MEAK7: variants seen among roughly 807,000 people sequenced by gnomAD.
MEAK7 encodes the protein MTOR associated protein MEAK7.
MEAK7 carries 68 observed loss-of-function variants against 40.5 expected under a neutral mutation model. That is an observed-to-expected ratio of 1.68 (90% CI 1.38 to 2.06). MEAK7 has a LOEUF of 2.06. MEAK7 is among the 30% of genes most tolerant of loss of function. The pLI, the probability that MEAK7 is intolerant of heterozygous loss-of-function variation, is 0.00. For missense variants in MEAK7, 918 were observed against 580.5 expected (o/e 1.58, Z -5.98); for synonymous variants, 338 against 231.9 (o/e 1.46, Z -4.16).
At chr16:84,491,458 G>C (rs1425445189) in intron 3 of MEAK7, among the ~76,000 whole-genome samples, 1 of 150,456 alleles carries the variant, frequency 6.6e-6, no homozygotes, top group Admixed American at 6.7e-5. Flanking sequence ...AGAATCGCTT[G>C]AGCCTGGGAG....
intron 1 of MEAK7, among the ~76,000 whole-genome samples, chr16:84,502,404 C>T (rs1028978410): frequency 2.0e-5 from 3 of 152,046 alleles, no homozygotes; most frequent in Admixed American, 1.3e-4. Context: ...ATCGGTAGGG[C>T]TGAAGGTGAG....
In MEAK7 at chr16:84,479,844, G is replaced by C; in HGVS notation, c.*69C>G. The C allele has an allele frequency of 8.2e-7, 1 of 1,212,520 alleles. No homozygotes were observed. The highest frequency in any genetic ancestry group is 1.2e-6 in the Non-Finnish European group (1 of 868,160). The allele number at this position is 1,212,520 out of a possible 1,614,324, so 75.1% of individuals were successfully genotyped here. A position where few individuals can be genotyped will look rare whatever the true frequency, so the allele number is the denominator to read the frequency against. On this transcript the variant is annotated 3_prime_UTR_variant, in exon 8 of 8. Coordinates refer to ENST00000343629, the MANE Select transcript of MEAK7 (RefSeq NM_020947.4). ...CAGTTAAACCATGTGGGAGGGAAGA[G>C]GGGCTGCAGGCGTTGCCCTCTACCC...
At position 84,484,728 on chromosome 16, in the gene MEAK7, G is replaced by C. The variant is rs531653558; in HGVS notation, c.958+1903C>G. 9.9e-5 allele frequency among the ~76,000 whole-genome samples: 15 copies of C among 152,246 alleles called. No homozygotes were observed. The South Asian group carries it at 3.1e-3, about 32-fold the overall frequency. On this transcript the variant is annotated intron_variant, in intron 5 of 7. Transcript: ENST00000343629. ...ATCACTTAAAGTCTCAGATATTAGA[G>C]GTCATTATTTCCAGGACAAGCGGAC...
At chr16:84,488,235 T>G (rs1913264020) in intron 4 of MEAK7, 1 of 152,218 alleles carries the variant, frequency 6.6e-6, no homozygotes, top group Non-Finnish European at 1.5e-5. Flanking sequence ...TCTAGATGGA[T>G]GAACAGTTTA....
At chr16:84,491,631 G>T (rs1168696771) in intron 3 of MEAK7, among the ~76,000 whole-genome samples, 2 of 151,048 alleles carry the variant, frequency 1.3e-5, no homozygotes, top group African/African-American at 4.9e-5. Context: ...GAGGTCAGGA[G>T]ATCAAGGCCA....
Position 84,486,705 on chromosome 16 carries a change from A to T in MEAK7, c.884T>A (p.Val295Asp), listed in dbSNP as rs1413280016. ...HITHRGPCVA[V>D]LEDHDKHVFG... ...CACATGCTTGTCATGGTCCTCGAGG[A>T]CAGCCACACAGGGTCCCCGGTGAGT... The change falls in exon 5 of 8, where the codon GTC becomes GAC. Residue 295 changes from valine to aspartate, a missense_variant. Physicochemically the swap from Val to Asp is radical, Grantham distance 152. Transcript: ENST00000343629. 3.7e-6 allele frequency: 6 copies of T among 1,614,038 alleles called. No individual in the cohort carries two copies. The African/African-American group carries it at 6.7e-5, about 18-fold the overall frequency.
At chr16:84,501,668 A>G (rs1914516233) in intron 1 of MEAK7, among the ~76,000 whole-genome samples, 2 of 152,086 alleles carry the variant, frequency 1.3e-5, no homozygotes. Context: ...AGGAGGTTGC[A>G]TGGGAGGCCC....
At chr16:84,499,673 C>G (rs1426341068) in intron 1 of MEAK7, among the ~76,000 whole-genome samples, 1 of 152,310 alleles carries the variant, frequency 6.6e-6, no homozygotes, top group East Asian at 1.9e-4. Flanking sequence ...TCCTCCCTCC[C>G]ACATGCCCTG....
At chr16:84,492,233 C>T (rs915639820) in intron 3 of MEAK7, among the ~76,000 whole-genome samples, 1 of 152,170 alleles carries the variant, frequency 6.6e-6, no homozygotes, top group Non-Finnish European at 1.5e-5. Context: ...GATCCAACAC[C>T]AGCATCTGGG....
rs986866951 is a variant in MEAK7, at chr16:84,476,792, G to C, written c.*3121C>G. 2 of 152,222 alleles carry C rather than the reference G, an allele frequency of 1.3e-5. No individual in the cohort carries two copies. The highest frequency in any genetic ancestry group is 2.9e-5 in the Non-Finnish European group (2 of 68,058). 9.4% of individuals were successfully genotyped at this position (152,222 alleles called of 1,614,324 possible). On this transcript the variant is annotated 3_prime_UTR_variant, in exon 8 of 8. Coordinates refer to ENST00000343629, the MANE Select transcript of MEAK7 (RefSeq NM_020947.4). ...CAGGGAGGAGACCTGAGTGATTTTT[G>C]CATCAGTGCCTTTGCCTGTCAGGAG...
At chr16:84,501,710 G>T (rs896693521) in intron 1 of MEAK7, among the ~76,000 whole-genome samples, 1 of 152,146 alleles carries the variant, frequency 6.6e-6, no homozygotes, top group Non-Finnish European at 1.5e-5. Context: ...TGCCAGTGAG[G>T]TGGGAAGGTG....
chr16:84,478,890 C>CA lies in MEAK7; in HGVS notation c.*1022dup, dbSNP rs1306081054. On this transcript the variant is annotated 3_prime_UTR_variant, in exon 8 of 8. Coordinates refer to ENST00000343629, the MANE Select transcript of MEAK7 (RefSeq NM_020947.4). ...TGCTGGTTCCCAGAGGTCTAGAACC[C>CA]AGGCCAGTCACTCACCACTGATTTA... 6.6e-6 allele frequency: 1 copy of CA among 152,248 alleles called. No individual in the cohort carries two copies. The highest frequency in any genetic ancestry group is 1.5e-5 in the Non-Finnish European group (1 of 68,058). The allele number at this position is 152,248 out of a possible 1,614,324, so 9.4% of individuals were successfully genotyped here.
chr16:84,491,404 T>C (rs36139298), intron 3 of MEAK7, among the ~76,000 whole-genome samples: 1 of 151,600 alleles, frequency 6.6e-6, no homozygotes, highest in Non-Finnish European at 1.5e-5. Flanking sequence ...CCAGGTATGG[T>C]GACACACACC....
At chr16:84,499,197 C>A (rs1484920172) in intron 1 of MEAK7, among the ~76,000 whole-genome samples, 1 of 152,078 alleles carries the variant, frequency 6.6e-6, no homozygotes, top group Admixed American at 6.5e-5. Flanking sequence ...GTCAAGCAAT[C>A]GGGGGATTCA....
At position 84,478,417 on chromosome 16, in the gene MEAK7, A is replaced by C. The variant is rs1263428311; in HGVS notation, c.*1496T>G. 6.6e-6 allele frequency: 1 copy of C among 152,250 alleles called. No individual in the cohort carries two copies. The highest frequency in any genetic ancestry group is 1.5e-5 in the Non-Finnish European group (1 of 68,050). 9.4% of individuals were successfully genotyped at this position (152,250 alleles called of 1,614,324 possible). A position where few individuals can be genotyped will look rare whatever the true frequency, so the allele number is the denominator to read the frequency against. On this transcript the variant is annotated 3_prime_UTR_variant, in exon 8 of 8. Transcript: ENST00000343629. Reference sequence around the variant, plus strand: ...AGGTTTGATGAACCTCCCAGTAGAAAATGCAAGGCCTGCAAAAATGCGAAC... The same window carrying C: ...AGGTTTGATGAACCTCCCAGTAGAACATGCAAGGCCTGCAAAAATGCGAAC...
At chr16:84,482,968 T>G (rs1038825658) in intron 5 of MEAK7, among the ~76,000 whole-genome samples, 1 of 152,192 alleles carries the variant, frequency 6.6e-6, no homozygotes, top group Non-Finnish European at 1.5e-5. Flanking sequence ...AGATCAGAAC[T>G]CTGCCCACTG....
intron 1 of MEAK7, among the ~76,000 whole-genome samples, chr16:84,501,279 G>A (rs1204100400): frequency 1.3e-5 from 2 of 152,068 alleles, no homozygotes; most frequent in Non-Finnish European, 2.9e-5. Context: ...CACGCACGGG[G>A]CATAAGCAAG....
intron 3 of MEAK7, among the ~76,000 whole-genome samples, chr16:84,490,468 TTTTTTTTTTTTA>T (rs1913486953): frequency 2.9e-5 from 3 of 104,328 alleles, no homozygotes; most frequent in Non-Finnish European, 2.3e-5. Flanking sequence ...TTTTTTTTTT[TTTTTTTTTTTTA>T]CCTCAACAGC....
intron 1 of MEAK7, among the ~76,000 whole-genome samples, chr16:84,501,105 G>GAA (rs35447624): frequency 0.012 from 1,223 of 103,588 alleles, 15 homozygotes; most frequent in Middle Eastern, 0.021. Context: ...AAAAAAAAAA[G>GAA]AAAAAAAAAA....
Sources: gnomAD v4.1 joint callset for allele counts (sites outside exome capture counted in the v4.1 genomes callset) on GRCh38, gnomAD v4.1.1 for gene constraint, MANE v1.5 for transcripts, NCBI Gene and HGNC (gene_info 2026-07-23, HGNC 2026-07-21) for gene names.